NAV2: variants seen among roughly 807,000 people sequenced by gnomAD.
NAV2 encodes the protein helicase, APC down-regulated 1.
NAV2 carries 54 observed loss-of-function variants against 223.2 expected under a neutral mutation model. The observed-to-expected ratio is 0.24, with a 90% confidence interval of 0.19 to 0.30. The LOEUF is 0.30. Ranked by LOEUF, NAV2 falls within the 10% of genes least tolerant of loss-of-function variation. The pLI is 1.00. For missense variants in NAV2, 2,806 were observed against 3,147.5 expected, an observed-to-expected ratio of 0.89 and a Z score of 2.60; for synonymous variants, 1,279 against 1,239.3, an observed-to-expected ratio of 1.03 and a Z score of -0.67.
At chr11:19,538,127 T>C (rs1056545820) in intron 1 of NAV2, among the ~76,000 whole-genome samples, 5 of 152,196 alleles carry the variant, frequency 3.3e-5, no homozygotes, top group African/African-American at 1.2e-4. Flanking sequence ...CAATAGACTC[T>C]CTTGGTTTGT....
chr11:19,520,239 G>A (rs950291028), intron 1 of NAV2, among the ~76,000 whole-genome samples: 2 of 152,188 alleles, frequency 1.3e-5, no homozygotes, highest in Non-Finnish European at 2.9e-5. Context: ...AACACTCATG[G>A]GCATTTTACT....
chr11:19,722,322 TAA>T (rs34460153), intron 1 of NAV2, among the ~76,000 whole-genome samples: 1 of 152,156 alleles, frequency 6.6e-6, no homozygotes, highest in South Asian at 2.1e-4. Context: ...AGTAATTTTT[TAA>T]AAAAAATTTA....
intron 1 of NAV2, among the ~76,000 whole-genome samples, chr11:19,617,446 C>G (rs2046832112): frequency 6.6e-6 from 1 of 152,174 alleles, no homozygotes; most frequent in African/African-American, 2.4e-5. Context: ...GGGGGGATAA[C>G]AGGCTGCTTG....
chr11:19,802,234 C>T (rs942921102), intron 1 of NAV2, among the ~76,000 whole-genome samples: 1 of 151,938 alleles, frequency 6.6e-6, no homozygotes, highest in Non-Finnish European at 1.5e-5. Context: ...AGGTCTTTAC[C>T]CCTGGCAGTT....
At chr11:20,090,743 G>A in intron 26 of NAV2, 122 bp from the exon 27 acceptor site, 1 of 967,222 alleles carries the variant, frequency 1.0e-6, no homozygotes, top group Admixed American at 2.5e-5. Context: ...TCACCCACAG[G>A]AAGCACCAGG....
intron 26 of NAV2, among the ~76,000 whole-genome samples, chr11:20,089,431 T>C (rs764473687): frequency 1.3e-5 from 2 of 152,232 alleles, no homozygotes; most frequent in African/African-American, 2.4e-5. Flanking sequence ...CATTTTCCTT[T>C]GGGAATTAAA....
intron 1 of NAV2, among the ~76,000 whole-genome samples, chr11:19,723,206 T>G (rs1397313575): frequency 6.6e-6 from 1 of 152,192 alleles, no homozygotes; most frequent in Non-Finnish European, 1.5e-5. Context: ...TTTCCAGGAA[T>G]GATGATCACA....
chr11:19,743,207 TG>T (rs1224430652), intron 1 of NAV2, among the ~76,000 whole-genome samples: 1 of 152,224 alleles, frequency 6.6e-6, no homozygotes, highest in Non-Finnish European at 1.5e-5. Flanking sequence ...GAGGCTCCTA[TG>T]AAGGGCTTTA....
intron 1 of NAV2, among the ~76,000 whole-genome samples, chr11:19,622,199 G>A (rs1322124063): frequency 3.3e-5 from 5 of 152,230 alleles, no homozygotes; most frequent in African/African-American, 1.2e-4. Context: ...TTTGGGATAA[G>A]TGTGATGTGG....
At chr11:20,010,366 C>A (rs1291399541) in intron 11 of NAV2, among the ~76,000 whole-genome samples, 1 of 152,178 alleles carries the variant, frequency 6.6e-6, no homozygotes, top group Non-Finnish European at 1.5e-5. Context: ...CAAAGGAGAA[C>A]ACTTAGGTCA....
At chr11:20,047,511 A>C (rs2057562544) in intron 14 of NAV2, among the ~76,000 whole-genome samples, 1 of 152,232 alleles carries the variant, frequency 6.6e-6, no homozygotes, top group African/African-American at 2.4e-5. Flanking sequence ...CAGAAAAAAA[A>C]GTGGATGAGA....
rs573330606 is a variant in NAV2 at position 19,543,765 on chromosome 11, C to T, written c.75+192738C>T. On this transcript the variant is annotated intron_variant, in intron 1 of 37. Transcript: ENST00000360655. ...TACTTCTCTTTCTCTTCCTTGTCCT[C>T]TCTTGTCTCACTTGGCTAACTCTGA... Among the ~76,000 whole-genome samples the T allele has an allele frequency of 3.3e-5, 5 of 152,358 alleles. No homozygotes were observed. The South Asian group carries it at 1.0e-3, about 32-fold the overall frequency.
chr11:20,103,811 G>A (rs2061822313), intron 34 of NAV2, 87 bp downstream of exon 34: 7 of 1,102,996 alleles, frequency 6.3e-6, no homozygotes, highest in Non-Finnish European at 9.8e-6. Context: ...CCTGTGTTGA[G>A]TATGTGTTGT....
At chr11:19,830,587 T>C (rs2059876624) in intron 1 of NAV2, among the ~76,000 whole-genome samples, 1 of 152,314 alleles carries the variant, frequency 6.6e-6, no homozygotes, top group African/African-American at 2.4e-5. Flanking sequence ...AGGCACTGTA[T>C]GTTAGTTGGA....
chr11:19,651,988 G>A (rs912848316), intron 1 of NAV2, among the ~76,000 whole-genome samples: 7 of 152,186 alleles, frequency 4.6e-5, no homozygotes, highest in Non-Finnish European at 8.8e-5. Flanking sequence ...CTTTGAGGAC[G>A]TTGAGTGACA....
rs116112030 is a variant in NAV2 at position 19,848,908 on chromosome 11, G to C, written c.438+5985G>C. ...AGATCTCATGTCACAGAACACTGTGGTCAGTCTCGCTCAGTCCCATCATAA... is the reference window on the plus strand; with the variant it reads ...AGATCTCATGTCACAGAACACTGTGCTCAGTCTCGCTCAGTCCCATCATAA... On this transcript the variant is annotated intron_variant, in intron 3 of 37. Coordinates refer to ENST00000349880, the MANE Select transcript of NAV2 (RefSeq NM_145117.5). 4.9e-3 allele frequency among the ~76,000 whole-genome samples: 752 copies of C among 152,274 alleles called. 4 individuals are homozygous for C. Among genetic ancestry groups the C allele is most frequent in the African/African-American group, 0.017 (714 of 41,544 alleles).
chr11:19,822,358 G>A (rs1223170446), intron 1 of NAV2, among the ~76,000 whole-genome samples: 1 of 152,174 alleles, frequency 6.6e-6, no homozygotes, highest in Non-Finnish European at 1.5e-5. Context: ...TTGGCAGATG[G>A]TAGTTACTAT....
intron 6 of NAV2, among the ~76,000 whole-genome samples, chr11:19,921,671 C>T (rs929352528): frequency 2.6e-5 from 4 of 152,196 alleles, no homozygotes; most frequent in African/African-American, 7.2e-5. Context: ...ACTAGAAGTG[C>T]AACTTACATG....
intron 22 of NAV2, among the ~76,000 whole-genome samples, chr11:20,073,045 C>A (rs540152441): frequency 1.1e-4 from 16 of 152,230 alleles, no homozygotes; most frequent in African/African-American, 3.9e-4. Flanking sequence ...CAGTCTTTGC[C>A]CATTCAGTAT....
Sources: allele counts gnomAD v4.1 joint callset (sites outside exome capture counted in the v4.1 genomes callset), GRCh38; gene constraint gnomAD v4.1.1; transcripts MANE v1.5; gene names NCBI Gene and HGNC (gene_info 2026-07-23, HGNC 2026-07-21).